The following MYO3B variants were observed in gnomAD, a reference collection of about 807,000 sequenced individuals.
MYO3B encodes the protein myosin-IIIb.
MYO3B carries 156 observed loss-of-function variants against 174.6 expected under a neutral mutation model. That is an observed-to-expected ratio of 0.89 (90% confidence interval 0.78 to 1.02). The LOEUF (loss-of-function observed/expected upper bound fraction) is 1.02, where lower values mean the gene tolerates loss of function less well. MYO3B is among the 50% of genes least tolerant of loss of function. MYO3B has a pLI of 0.00. For missense variants in MYO3B, 1,632 were observed against 1,639.4 expected (o/e 1.00, Z 0.08); for synonymous variants, 563 against 569.1 (o/e 0.99, Z 0.15).
chr2:170,539,015 C>T (rs1689905125), intron 30 of MYO3B, among the ~76,000 whole-genome samples: 1 of 152,166 alleles, frequency 6.6e-6, no homozygotes, highest in Admixed American at 6.5e-5. Flanking sequence ...AATATCGTCC[C>T]ATACCAATTC....
At chr2:170,298,767 C>T (rs1233940742) in intron 7 of MYO3B, among the ~76,000 whole-genome samples, 1 of 151,248 alleles carries the variant, frequency 6.6e-6, no homozygotes, top group Non-Finnish European at 1.5e-5. Flanking sequence ...CTGCACTGGG[C>T]TCTATTTAGG....
At chr2:170,609,970 A>G (rs1207039645) in intron 32 of MYO3B, among the ~76,000 whole-genome samples, 1 of 152,234 alleles carries the variant, frequency 6.6e-6, no homozygotes, top group African/African-American at 2.4e-5. Flanking sequence ...CTGCAAAGGA[A>G]AGAGAAGACT....
At chr2:170,343,030 AAC>A (rs56221872) in intron 8 of MYO3B, among the ~76,000 whole-genome samples, 13,745 of 135,724 alleles carry the variant, frequency 0.1, 734 homozygotes, top group African/African-American at 0.16. Context: ...TCGGGCCTCT[AAC>A]ACACACACAC....
chr2:170,638,571 C>T lies in MYO3B; in HGVS notation c.3734-13057C>T, dbSNP rs567830035. On this transcript the variant is annotated intron_variant, in intron 32 of 34. Coordinates refer to ENST00000408978, the MANE Select transcript of MYO3B (RefSeq NM_138995.5). ...ACTGGCGATTACTCTGGAGTTACAG[C>T]ATCTTAAAGTTGGAAGGGACTTTAA... Among the ~76,000 whole-genome samples the T allele has an allele frequency of 2.6e-5, 4 of 152,282 alleles. No individual in the cohort carries two copies. In the South Asian group the frequency reaches 8.3e-4, roughly 32 times the overall value.
chr2:170,587,790 TA>T (rs1164819019), intron 32 of MYO3B, among the ~76,000 whole-genome samples: 1 of 152,212 alleles, frequency 6.6e-6, no homozygotes, highest in East Asian at 1.9e-4. Context: ...GTAGATGATT[TA>T]AACAATTCAA....
intron 9 of MYO3B, among the ~76,000 whole-genome samples, chr2:170,374,546 C>T (rs2094274646): frequency 1.3e-5 from 2 of 152,204 alleles, no homozygotes; most frequent in East Asian, 1.9e-4. Context: ...AGTTATGGCA[C>T]ATATTCAAGA....
intron 32 of MYO3B, among the ~76,000 whole-genome samples, chr2:170,560,423 G>T (rs1183593821): frequency 6.6e-6 from 1 of 152,188 alleles, no homozygotes; most frequent in East Asian, 1.9e-4. Flanking sequence ...TGGCTGCTTA[G>T]CAGTGAGCAA....
intron 20 of MYO3B, among the ~76,000 whole-genome samples, chr2:170,404,666 C>A (rs574855394): frequency 5.3e-5 from 8 of 151,658 alleles, no homozygotes; most frequent in Non-Finnish European, 2.9e-5. Flanking sequence ...ATTTTTACAC[C>A]TTCCTCTCTC....
At chr2:170,275,070 A>G (rs1357347907) in intron 7 of MYO3B, among the ~76,000 whole-genome samples, 1 of 152,224 alleles carries the variant, frequency 6.6e-6, no homozygotes, top group Non-Finnish European at 1.5e-5. Flanking sequence ...ATGTTCAGAA[A>G]GAAATAAGCC....
At chr2:170,197,024 T>C (rs943074241) in intron 1 of MYO3B, among the ~76,000 whole-genome samples, 1 of 151,894 alleles carries the variant, frequency 6.6e-6, no homozygotes, top group Non-Finnish European at 1.5e-5. Context: ...TCAGGTTTTT[T>C]TTTTTTTTTA....
At chr2:170,377,367 C>T (rs891213381) in intron 9 of MYO3B, among the ~76,000 whole-genome samples, 2 of 152,200 alleles carry the variant, frequency 1.3e-5, no homozygotes, top group Admixed American at 6.5e-5. Flanking sequence ...ACAAAGACCC[C>T]CATCCTCTAC....
chr2:170,359,335 C>A (rs1403771436), intron 8 of MYO3B, among the ~76,000 whole-genome samples: 3 of 152,186 alleles, frequency 2.0e-5, no homozygotes, highest in South Asian at 4.1e-4. Context: ...GGGCTACAAT[C>A]ATCATCTTTC....
At position 170,654,041 on chromosome 2, in the gene MYO3B, TTAAC is replaced by T. The variant is rs1179783920; in HGVS notation, c.*924_*927del. 2 of 152,006 alleles carry T rather than the reference TTAAC, an allele frequency of 1.3e-5. No individual in the cohort carries two copies. Among genetic ancestry groups the T allele is most frequent in the East Asian group, 3.9e-4 (2 of 5,194 alleles). The allele number at this position is 152,006 out of a possible 1,614,324, so 9.4% of individuals were successfully genotyped here. ...GTGAATGGAGAATACATGGAGAAAC[TTAAC>T]TAAGTTACACAAGCATATCTGACAG... On this transcript the variant is annotated 3_prime_UTR_variant, in exon 35 of 35. Transcript: ENST00000408978.
At chr2:170,651,961 C>A in intron 33 of MYO3B, 147 bp from the exon 34 acceptor site, 1 of 819,756 alleles carries the variant, frequency 1.2e-6, no homozygotes, top group Non-Finnish European at 1.9e-6. Context: ...CTTCATCAGG[C>A]TCACTTGAGC....
At chr2:170,210,359 C>T (rs2092757167) in intron 3 of MYO3B, among the ~76,000 whole-genome samples, 1 of 152,210 alleles carries the variant, frequency 6.6e-6, no homozygotes, top group Non-Finnish European at 1.5e-5. Flanking sequence ...CAAGAATTTA[C>T]ATTTCCATGC....
At chr2:170,234,315 G>A (rs577823900) in intron 6 of MYO3B, among the ~76,000 whole-genome samples, 42 of 152,268 alleles carry the variant, frequency 2.8e-4, no homozygotes, top group Middle Eastern at 3.4e-3. Flanking sequence ...CTAGAGGCTG[G>A]GAAGCCTAAG....
At chr2:170,282,308 G>A (rs1047539864) in intron 7 of MYO3B, among the ~76,000 whole-genome samples, 18 of 151,998 alleles carry the variant, frequency 1.2e-4, no homozygotes, top group Admixed American at 7.2e-4. Context: ...TTCTAGTTTC[G>A]TTCTTCTGCA....
At chr2:170,236,246 A>T in intron 7 of MYO3B, 110 bp downstream of exon 7, 119 of 1,095,684 alleles carry the variant, frequency 1.1e-4, no homozygotes, top group Non-Finnish European at 1.3e-4. Context: ...ACAAAGCCTG[A>T]TTGTGAAATA....
intron 11 of MYO3B, 132 bp from the exon 12 acceptor site, chr2:170,383,578 G>T: frequency 1.5e-6 from 1 of 681,618 alleles, no homozygotes; most frequent in Admixed American, 2.5e-5. Flanking sequence ...GCAGGCTCCA[G>T]AACCTATACC....
Sources: allele counts gnomAD v4.1 joint callset (sites outside exome capture counted in the v4.1 genomes callset), GRCh38; gene constraint gnomAD v4.1.1; transcripts MANE v1.5; gene names NCBI Gene and HGNC (gene_info 2026-07-23, HGNC 2026-07-21).